ERBIN: variants seen among roughly 807,000 people sequenced by gnomAD.
The protein encoded by ERBIN is densin-180-like protein.
Under a neutral mutation model 158.4 loss-of-function variants are expected in ERBIN, and 60 were observed. The ratio of observed to expected loss-of-function variants is 0.38; its 90% confidence interval spans 0.31 to 0.47. The LOEUF (loss-of-function observed/expected upper bound fraction) is 0.47, where lower values mean the gene tolerates loss of function less well. Ranked by LOEUF, ERBIN falls within the 20% of genes least tolerant of loss-of-function variation. The probability of loss-of-function intolerance (pLI) is 0.99; values close to 1 mark genes in which losing one functional copy is unlikely to be tolerated. For synonymous variants in ERBIN, 594 were observed against 557.2 expected (o/e 1.07, Z -0.93); for missense variants, 1,610 against 1,648.0 (o/e 0.98, Z 0.40).
intron 1 of ERBIN, among the ~76,000 whole-genome samples, chr5:65,987,116 C>T (rs1301938946): frequency 6.6e-6 from 1 of 152,024 alleles, no homozygotes; most frequent in African/African-American, 2.4e-5. Context: ...GGCACTTCAC[C>T]CCCAAAGCAG....
chr5:66,044,097 A>T, intron 16 of ERBIN, 40 bp from the exon 17 acceptor site: 1 of 1,416,580 alleles, frequency 7.1e-7, no homozygotes, highest in South Asian at 1.5e-5. Flanking sequence ...TGACATTAGA[A>T]ATATTTGTAC....
chr5:65,943,896 T>C (rs370658324), intron 1 of ERBIN, among the ~76,000 whole-genome samples: 1 of 152,208 alleles, frequency 6.6e-6, no homozygotes, highest in Non-Finnish European at 1.5e-5. Context: ...TAACTTTCTG[T>C]GTCTATTATT....
Position 66,053,808 on chromosome 5 carries a change from C to G in ERBIN, c.2490C>G (p.Ser830=). The G allele has an allele frequency of 6.2e-7, 1 of 1,613,898 alleles. No homozygotes were observed. Among genetic ancestry groups the G allele is most frequent in the Non-Finnish European group, 8.5e-7 (1 of 1,179,978 alleles). The change falls in exon 21 of 26, where the codon TCC becomes TCG. Residue 830 remains serine (S), a synonymous_variant. Coordinates refer to ENST00000284037, the MANE Select transcript of ERBIN (RefSeq NM_001253697.2). ...NKVNGHSEET[S]QSPNRTEPHD... ...TAAATGGACATTCTGAGGAAACTTC[C>G]CAGTCTCCTAATAGGACTGAACCAC...
chr5:65,978,526 A>G (rs1254217375), intron 1 of ERBIN, among the ~76,000 whole-genome samples: 1 of 152,274 alleles, frequency 6.6e-6, no homozygotes, highest in Non-Finnish European at 1.5e-5. Flanking sequence ...AGGAAGCCTT[A>G]GTGATCTGAA....
At chr5:65,938,087 A>G (rs1478679543) in intron 1 of ERBIN, among the ~76,000 whole-genome samples, 2 of 152,106 alleles carry the variant, frequency 1.3e-5, no homozygotes, top group East Asian at 1.9e-4. Flanking sequence ...ATCTTGTCAT[A>G]TCTGTGTTTC....
Position 66,054,338 on chromosome 5 carries a change from C to T in ERBIN, c.3020C>T (p.Pro1007Leu). 8 of 1,614,144 alleles carry T rather than the reference C, an allele frequency of 5.0e-6. No homozygotes were observed. The highest frequency in any genetic ancestry group is 5.9e-6 in the Non-Finnish European group (7 of 1,180,022). The change falls in exon 21 of 26, where the codon CCT (proline) becomes CTT (leucine). Residue 1007 changes from proline to leucine, a missense_variant. Pro to Leu is a moderately conservative substitution (Grantham distance 98). This residue lies in a region of ERBIN where 1,014 missense variants were observed against 936.1 expected (regional missense o/e 1.08). Transcript: ENST00000284037. ...CAAATAGACCATGCCAGTTTTCCTC[C>T]TCAGCTCCTTCCTAGATCAGAGAGC... ...NPQIDHASFP[P>L]QLLPRSESTE...
rs77859422 is a variant in ERBIN at position 65,983,927 on chromosome 5, A to G, written c.-57-4708A>G. Among the ~76,000 whole-genome samples, 280 of 152,314 alleles carry G rather than the reference A, an allele frequency of 1.8e-3. 1 individual carries two copies. Among genetic ancestry groups the G allele is most frequent in the African/African-American group, 6.4e-3 (266 of 41,568 alleles). ...TGCTCAAGCTCCCAGGGCAGCACATATGAACCTAGCATCACAGTGCACATG... is the reference window on the plus strand; with the variant it reads ...TGCTCAAGCTCCCAGGGCAGCACATGTGAACCTAGCATCACAGTGCACATG... On this transcript the variant is annotated intron_variant, in intron 1 of 25. Transcript: ENST00000284037.
intron 3 of ERBIN, 61 bp downstream of exon 3, chr5:65,992,968 A>T (rs1008509798): frequency 1.6e-6 from 2 of 1,238,734 alleles, no homozygotes; most frequent in Non-Finnish European, 2.2e-6. Context: ...GAAATATGAT[A>T]TTCCTAATAT....
intron 1 of ERBIN, among the ~76,000 whole-genome samples, chr5:65,962,517 A>G (rs936124335): frequency 3.9e-5 from 6 of 152,218 alleles, no homozygotes; most frequent in Non-Finnish European, 7.4e-5. Context: ...GCTTTTTACT[A>G]TAACATAGTG....
At chr5:65,964,906 ATTTGTG>A (rs1351227069) in intron 1 of ERBIN, among the ~76,000 whole-genome samples, 1 of 67,058 alleles carries the variant, frequency 1.5e-5, no homozygotes, top group Non-Finnish European at 2.7e-5. Flanking sequence ...CGCCTGGCTG[ATTTGTG>A]TGTGTGTGTG....
chr5:66,008,296 A>G (rs909412556), intron 4 of ERBIN, among the ~76,000 whole-genome samples: 4 of 152,000 alleles, frequency 2.6e-5, no homozygotes, highest in African/African-American at 7.2e-5. Flanking sequence ...GCGGGCGCCT[A>G]TAGTCCCAGC....
intron 1 of ERBIN, among the ~76,000 whole-genome samples, chr5:65,944,545 T>C (rs1012095518): frequency 6.6e-6 from 1 of 152,026 alleles, no homozygotes; most frequent in Non-Finnish European, 1.5e-5. Flanking sequence ...GCTGGGACTA[T>C]AGGCATGTGC....
intron 1 of ERBIN, among the ~76,000 whole-genome samples, chr5:65,957,844 C>T (rs1334748727): frequency 6.6e-6 from 1 of 150,884 alleles, no homozygotes; most frequent in South Asian, 2.1e-4. Context: ...GGCGGAGGGG[C>T]TCCTCACTTC....
At chr5:65,982,803 G>T (rs1222525336) in intron 1 of ERBIN, among the ~76,000 whole-genome samples, 1 of 152,150 alleles carries the variant, frequency 6.6e-6, no homozygotes, top group Non-Finnish European at 1.5e-5. Flanking sequence ...CTATGACTCA[G>T]CAGTTTCATT....
chr5:65,938,375 T>C (rs971468226), intron 1 of ERBIN, among the ~76,000 whole-genome samples: 1 of 149,016 alleles, frequency 6.7e-6, no homozygotes, highest in African/African-American at 2.4e-5. Flanking sequence ...ATAGGTCTTT[T>C]TTTTTTTTTT....
intron 4 of ERBIN, among the ~76,000 whole-genome samples, chr5:66,009,856 T>G (rs1428627285): frequency 6.6e-6 from 1 of 152,152 alleles, no homozygotes; most frequent in Non-Finnish European, 1.5e-5. Context: ...CTACTAAATT[T>G]TAAAACTTAG....
intron 4 of ERBIN, among the ~76,000 whole-genome samples, chr5:65,995,373 ATT>A (rs35797173): frequency 0.72 from 104,656 of 144,554 alleles, 39,097 homozygotes; most frequent in Non-Finnish European, 0.85. Context: ...CTTATGTGGT[ATT>A]TTTTTTTTTT....
At chr5:65,983,945 T>C (rs778260144) in intron 1 of ERBIN, among the ~76,000 whole-genome samples, 9 of 152,124 alleles carry the variant, frequency 5.9e-5, no homozygotes, top group Non-Finnish European at 1.2e-4. Flanking sequence ...AGCATCACAG[T>C]GCACATGTGG....
rs1561434096 is a variant in ERBIN, at chr5:66,054,568, GC to G, written c.3252del (p.Ser1085LeufsTer2). On this transcript the variant is annotated frameshift_variant, in exon 21 of 26. Coordinates refer to ENST00000284037, the MANE Select transcript of ERBIN (RefSeq NM_001253697.2). LOFTEE classifies it high-confidence loss of function. ...GCGACAAAGTAGTGTGTCCTCCACA[GC>G]CTCTGTAAATCTTGGTGATCCAGGC... ...IQRQSSVSST[A>X]SVNLGDPGST... is the part of the protein sequence containing the mutation. 1 of 1,614,008 alleles carries G rather than the reference GC, an allele frequency of 6.2e-7. No individual in the cohort carries two copies. The highest frequency in any genetic ancestry group is 1.3e-5 in the African/African-American group (1 of 74,920).
Sources: gnomAD v4.1 joint callset for allele counts (sites outside exome capture counted in the v4.1 genomes callset) on GRCh38, gnomAD v4.1.1 for gene constraint, gnomAD v4.1.1 regional missense constraint, MANE v1.5 for transcripts, NCBI Gene and HGNC (gene_info 2026-07-23, HGNC 2026-07-21) for gene names.